NSF: variants seen among roughly 807,000 people sequenced by gnomAD.
The protein encoded by NSF is vesicle-fusing ATPase.
Under a neutral mutation model 50.3 loss-of-function variants are expected in NSF, and 14 were observed. The ratio of observed to expected loss-of-function variants is 0.28; its 90% confidence interval spans 0.18 to 0.44. NSF has a LOEUF of 0.44. NSF is among the 20% of genes least tolerant of loss of function. NSF has a pLI of 1.00. For missense variants in NSF, 218 were observed against 504.3 expected, an observed-to-expected ratio of 0.43 and a Z score of 5.44; for synonymous variants, 109 against 175.7, an observed-to-expected ratio of 0.62 and a Z score of 3.00.
intron 17 of NSF, among the ~76,000 whole-genome samples, chr17:46,745,462 G>A (rs185700633): frequency 6.6e-6 from 1 of 152,178 alleles, no homozygotes; most frequent in Non-Finnish European, 1.5e-5. Context: ...CTCCAGTATG[G>A]TTGCTCTACA....
chr17:46,691,520 G>A (rs1338919792), intron 9 of NSF, among the ~76,000 whole-genome samples: 1 of 145,200 alleles, frequency 6.9e-6, no homozygotes, highest in African/African-American at 2.6e-5. Flanking sequence ...ACTTGAACCC[G>A]GGAGGCAGAG....
At chr17:46,752,442 C>G (rs1292056465) in intron 19 of NSF, among the ~76,000 whole-genome samples, 1 of 152,024 alleles carries the variant, frequency 6.6e-6, no homozygotes, top group Admixed American at 6.6e-5. Flanking sequence ...TGAAGGTGCT[C>G]AGTAAACTTT....
intron 4 of NSF, among the ~76,000 whole-genome samples, chr17:46,633,925 G>A (rs1167079913): frequency 1.4e-5 from 1 of 71,458 alleles, no homozygotes; most frequent in Non-Finnish European, 2.4e-5. Flanking sequence ...AGGCTGGAGT[G>A]CAATGGTGCG....
In NSF at chr17:46,610,025, CTT is replaced by C. The variant is rs371481638; in HGVS notation, c.13-14217_13-14216del. 5.3e-4 allele frequency among the ~76,000 whole-genome samples: 43 copies of C among 81,466 alleles called. 3 individuals are homozygous for C. Among genetic ancestry groups the C allele is most frequent in the South Asian group, 9.5e-4 (2 of 2,100 alleles). The allele number at this position is 81,466 out of a possible 152,430, so 53.4% of individuals were successfully genotyped here. The stretch of plus-strand genomic sequence containing the variant: ...TCTTTCTCTCTTTCTTTCTTTCTTT[CTT>C]TCTCTCTCTCTCTCTCTTTCTTTCT... On this transcript the variant is annotated intron_variant, in intron 1 of 20. Coordinates refer to ENST00000398238, the MANE Select transcript of NSF (RefSeq NM_006178.4).
At chr17:46,726,413 T>A in intron 15 of NSF, 136 bp from the exon 16 acceptor site, 1 of 794,704 alleles carries the variant, frequency 1.3e-6, no homozygotes, top group Non-Finnish European at 2.2e-6. Flanking sequence ...GTGTGTCAAT[T>A]CTAATTTATT....
intron 1 of NSF, among the ~76,000 whole-genome samples, chr17:46,621,129 ACT>A (rs2058062012): frequency 2.1e-5 from 3 of 140,142 alleles, no homozygotes; most frequent in African/African-American, 8.3e-5. Context: ...TTCAGTGGCT[ACT>A]CTCTATCTCC....
intron 8 of NSF, among the ~76,000 whole-genome samples, chr17:46,659,265 C>CA (rs1336044294): frequency 1.7e-4 from 5 of 29,560 alleles, no homozygotes; most frequent in African/African-American, 9.8e-4. Flanking sequence ...CAAAGTATAC[C>CA]AAGAAAAAAG....
At chr17:46,743,517 C>T (rs1223178268) in intron 17 of NSF, among the ~76,000 whole-genome samples, 1 of 152,196 alleles carries the variant, frequency 6.6e-6, no homozygotes, top group Non-Finnish European at 1.5e-5. Flanking sequence ...AAATAATCTA[C>T]CCCAAATCAC....
chr17:46,755,950 C>A lies in NSF; in HGVS notation c.*127C>A. On this transcript the variant is annotated 3_prime_UTR_variant, in exon 21 of 21. Transcript: ENST00000398238. The stretch of plus-strand genomic sequence containing the variant: ...GTTCTCTACCTTCAACATGTGCTCG[C>A]TCTGCATGATTAGTGCAATAAAACT... 2.3e-6 allele frequency: 2 copies of A among 862,042 alleles called. No homozygotes were observed. Among genetic ancestry groups the A allele is most frequent in the South Asian group, 1.6e-5 (1 of 61,074 alleles). 53.4% of individuals were successfully genotyped at this position (862,042 alleles called of 1,614,324 possible).
At chr17:46,722,057 T>G in intron 15 of NSF, 10 of 1,610,280 alleles carry the variant, frequency 6.2e-6, no homozygotes, top group Non-Finnish European at 8.5e-6. Context: ...GAGCTGAGCC[T>G]TGAGGTCCGA....
chr17:46,716,891 A>G (rs1417312890), intron 15 of NSF, among the ~76,000 whole-genome samples: 1 of 152,196 alleles, frequency 6.6e-6, no homozygotes, highest in Non-Finnish European at 1.5e-5. Context: ...AATATTATGA[A>G]CTTTTTTCAG....
chr17:46,605,995 C>CAAAAAAAAA (rs59118188), intron 1 of NSF, among the ~76,000 whole-genome samples: 42 of 51,050 alleles, frequency 8.2e-4, no homozygotes, highest in African/African-American at 1.5e-3. Context: ...ACTAAAAATA[C>CAAAAAAAAA]AAAAAAAAAA....
At chr17:46,606,047 C>T (rs1225283251) in intron 1 of NSF, among the ~76,000 whole-genome samples, 3 of 95,408 alleles carry the variant, frequency 3.1e-5, no homozygotes, top group Admixed American at 1.2e-4. Flanking sequence ...GGTGTGGTGG[C>T]GCATGCCTGT....
At chr17:46,621,291 ATT>A (rs146033422) in intron 1 of NSF, among the ~76,000 whole-genome samples, 3 of 129,074 alleles carry the variant, frequency 2.3e-5, no homozygotes, top group Non-Finnish European at 1.8e-5. Context: ...TTGTTCTGGA[ATT>A]TTTTTTTTTT....
Position 46,715,210 on chromosome 17 carries a change from A to G in NSF, c.1761+1224A>G, listed in dbSNP as rs183586948. Among the ~76,000 whole-genome samples the G allele has an allele frequency of 6.4e-4, 98 of 152,370 alleles. No homozygotes were observed. In the East Asian group the frequency reaches 0.013, roughly 20 times the overall value. On this transcript the variant is annotated intron_variant, in intron 15 of 20. Transcript: ENST00000398238. Reference sequence around the variant, plus strand: ...GTGAAAAGGAAATATTGCCAGATGCAAAAAGAACTTATAATATCATAGTTT... The same window carrying G: ...GTGAAAAGGAAATATTGCCAGATGCGAAAAGAACTTATAATATCATAGTTT...
intron 8 of NSF, among the ~76,000 whole-genome samples, chr17:46,657,259 T>G (rs942475663): frequency 5.0e-5 from 6 of 120,484 alleles, no homozygotes; most frequent in Admixed American, 1.7e-4. Flanking sequence ...GTTTTTGACA[T>G]GCACTGCCAA....
In NSF at chr17:46,743,697, T is replaced by TA. The variant is rs2059099767; in HGVS notation, c.1909-6075dup. 7.9e-5 allele frequency among the ~76,000 whole-genome samples: 12 copies of TA among 152,318 alleles called. No individual in the cohort carries two copies. The South Asian group carries it at 2.5e-3, about 32-fold the overall frequency. On this transcript the variant is annotated intron_variant, in intron 17 of 20. Transcript: ENST00000398238. Reference sequence around the variant, plus strand: ...CATGGTCCCTGGAGATGCTCACTCTTACAACTGGCCTGTCCTTGGGGCAGC... The same window carrying TA: ...CATGGTCCCTGGAGATGCTCACTCTTAACAACTGGCCTGTCCTTGGGGCAGC...
intron 1 of NSF, among the ~76,000 whole-genome samples, chr17:46,606,196 A>G (rs1447722425): frequency 5.0e-4 from 11 of 21,842 alleles, no homozygotes; most frequent in Admixed American, 7.7e-4. Context: ...AAAAAAAAGA[A>G]CTAAATATAT....
chr17:46,748,244 T>TG (rs1372904760), intron 17 of NSF, among the ~76,000 whole-genome samples: 2 of 152,112 alleles, frequency 1.3e-5, no homozygotes, highest in African/African-American at 2.4e-5. Flanking sequence ...CCCAAGTAGC[T>TG]GGGATTACAG....
Sources: gnomAD v4.1 joint callset for allele counts (sites outside exome capture counted in the v4.1 genomes callset) on GRCh38, gnomAD v4.1.1 for gene constraint, MANE v1.5 for transcripts, NCBI Gene and HGNC (gene_info 2026-07-23, HGNC 2026-07-21) for gene names.